The following PCDH9 variants were observed in gnomAD, a reference collection of about 807,000 sequenced individuals.
The protein encoded by PCDH9 is protocadherin 9, also known as protocadherin-9.
A neutral mutation model predicts 70.6 loss-of-function variants in PCDH9; 24 were observed. The observed-to-expected ratio is 0.34, with a 90% confidence interval of 0.25 to 0.48. The LOEUF is 0.48. Among genes scored for constraint, PCDH9 ranks in the 20% least tolerant of loss-of-function variants. The probability of loss-of-function intolerance (pLI) is 0.99; values close to 1 mark genes in which losing one functional copy is unlikely to be tolerated. For missense variants in PCDH9, 1,281 were observed against 1,503.6 expected, an observed-to-expected ratio of 0.85 and a Z score of 2.45; for synonymous variants, 562 against 558.5, an observed-to-expected ratio of 1.01 and a Z score of -0.09.
At chr13:66,631,177 C>A in intron 4 of PCDH9, 33 bp downstream of exon 4, 4 of 1,126,838 alleles carry the variant, frequency 3.5e-6, no homozygotes, top group Non-Finnish European at 5.4e-6. Context: ...ACCAGAACAA[C>A]TCCAAGCAAT....
chr13:66,506,394 A>G (rs555283271), intron 4 of PCDH9, among the ~76,000 whole-genome samples: 62 of 152,304 alleles, frequency 4.1e-4, no homozygotes, highest in African/African-American at 1.4e-3. Context: ...CTTCCCTCTT[A>G]CCGTGGAAGA....
intron 2 of PCDH9, among the ~76,000 whole-genome samples, chr13:66,994,061 G>A (rs966624644): frequency 6.6e-6 from 1 of 152,074 alleles, no homozygotes; most frequent in African/African-American, 2.4e-5. Flanking sequence ...GAAAAATTGC[G>A]AGAAAAACTA....
intron 3 of PCDH9, among the ~76,000 whole-genome samples, chr13:66,856,592 A>C (rs1457273339): frequency 2.0e-5 from 3 of 152,082 alleles, no homozygotes; most frequent in Admixed American, 2.0e-4. Flanking sequence ...CTGAAAAATC[A>C]AGAGTCCCCA....
chr13:66,351,110 A>G (rs1312539764), intron 4 of PCDH9, among the ~76,000 whole-genome samples: 1 of 152,202 alleles, frequency 6.6e-6, no homozygotes, highest in East Asian at 1.9e-4. Flanking sequence ...TTTCTCATGA[A>G]CTTGCTCCGT....
intron 4 of PCDH9, among the ~76,000 whole-genome samples, chr13:66,389,666 G>A (rs749033314): frequency 1.3e-5 from 2 of 152,146 alleles, no homozygotes; most frequent in Non-Finnish European, 2.9e-5. Flanking sequence ...AAACTTAGCT[G>A]GTAAAGGGAC....
At chr13:66,350,754 TTTGG>T (rs1429669370) in intron 4 of PCDH9, among the ~76,000 whole-genome samples, 1 of 152,188 alleles carries the variant, frequency 6.6e-6, no homozygotes, top group African/African-American at 2.4e-5. Context: ...TCATTTCCTG[TTTGG>T]ATTATTGCAA....
chr13:67,159,424 T>C (rs924503710), intron 2 of PCDH9, among the ~76,000 whole-genome samples: 10 of 152,300 alleles, frequency 6.6e-5, no homozygotes, highest in African/African-American at 2.2e-4. Flanking sequence ...TTGTGTCACA[T>C]CTGGCATACT....
At chr13:66,759,706 T>TATCTATAAC (rs2079592562) in intron 3 of PCDH9, among the ~76,000 whole-genome samples, 1 of 61,346 alleles carries the variant, frequency 1.6e-5, no homozygotes. Flanking sequence ...AAACATTTTA[T>TATCTATAAC]AGCTTATAAA....
intron 2 of PCDH9, among the ~76,000 whole-genome samples, chr13:66,970,212 A>T (rs1236489098): frequency 6.6e-6 from 1 of 152,078 alleles, no homozygotes; most frequent in Non-Finnish European, 1.5e-5. Context: ...GATGATTATT[A>T]CTTTCACATA....
intron 4 of PCDH9, among the ~76,000 whole-genome samples, chr13:66,545,565 G>C (rs564983143): frequency 6.6e-5 from 10 of 151,994 alleles, no homozygotes; most frequent in Non-Finnish European, 1.3e-4. Flanking sequence ...CTATAACTAT[G>C]GTCTCATAAC....
chr13:66,765,215 T>C (rs114772725), intron 3 of PCDH9, among the ~76,000 whole-genome samples: 1 of 151,986 alleles, frequency 6.6e-6, no homozygotes, highest in Non-Finnish European at 1.5e-5. Flanking sequence ...TTCTTAACTT[T>C]AGAAATCAAA....
intron 3 of PCDH9, among the ~76,000 whole-genome samples, chr13:66,774,704 T>C (rs1247176763): frequency 6.6e-6 from 1 of 152,200 alleles, no homozygotes; most frequent in Non-Finnish European, 1.5e-5. Flanking sequence ...TGACGTATTG[T>C]TATTATCACC....
intron 3 of PCDH9, among the ~76,000 whole-genome samples, chr13:66,828,486 C>A (rs933177942): frequency 6.6e-6 from 1 of 152,114 alleles, no homozygotes; most frequent in Non-Finnish European, 1.5e-5. Context: ...TTAATTGTGT[C>A]ACTTAATTGA....
chr13:67,175,396 C>T (rs964272211), intron 2 of PCDH9, among the ~76,000 whole-genome samples: 2 of 152,170 alleles, frequency 1.3e-5, no homozygotes, highest in Non-Finnish European at 2.9e-5. Flanking sequence ...AACCAATATT[C>T]TCACACATAA....
intron 3 of PCDH9, among the ~76,000 whole-genome samples, chr13:66,650,833 A>G (rs975020268): frequency 3.3e-5 from 5 of 152,046 alleles, no homozygotes; most frequent in African/African-American, 9.7e-5. Flanking sequence ...TATATCAAGT[A>G]TCTTCTCTGA....
chr13:66,335,192 A>C (rs1956016004), intron 4 of PCDH9, among the ~76,000 whole-genome samples: 1 of 152,144 alleles, frequency 6.6e-6, no homozygotes, highest in African/African-American at 2.4e-5. Flanking sequence ...TATAAAAGAA[A>C]GCACTAGGTA....
intron 2 of PCDH9, among the ~76,000 whole-genome samples, chr13:67,173,810 T>C (rs2088365155): frequency 6.6e-6 from 1 of 152,150 alleles, no homozygotes; most frequent in Non-Finnish European, 1.5e-5. Flanking sequence ...ACCACCCTCT[T>C]ATCAAACCAT....
At chr13:66,815,138 A>T (rs936418520) in intron 3 of PCDH9, among the ~76,000 whole-genome samples, 3 of 152,202 alleles carry the variant, frequency 2.0e-5, no homozygotes, top group Admixed American at 6.6e-5. Context: ...TCAAAAGAAG[A>T]GATACACACA....
At chr13:66,566,904 C>T (rs1017556363) in intron 4 of PCDH9, among the ~76,000 whole-genome samples, 1 of 151,876 alleles carries the variant, frequency 6.6e-6, no homozygotes, top group African/African-American at 2.4e-5. Context: ...TTTGACATTG[C>T]ACTGTCGTAT....
Sources: allele counts gnomAD v4.1 joint callset (sites outside exome capture counted in the v4.1 genomes callset), GRCh38; gene constraint gnomAD v4.1.1; transcripts MANE v1.5; gene names NCBI Gene and HGNC (gene_info 2026-07-23, HGNC 2026-07-21).